Variants in GABRB1 observed in about 807,000 individuals in gnomAD.
GABRB1 encodes gamma-aminobutyric acid type A receptor subunit beta1.
GABRB1 carries 17 observed loss-of-function variants against 51.6 expected under a neutral mutation model. That is an observed-to-expected ratio of 0.33 (90% CI 0.23 to 0.49). GABRB1 has a LOEUF of 0.49. Ranked by LOEUF, GABRB1 falls within the 20% of genes least tolerant of loss-of-function variation. GABRB1 has a pLI of 0.99. For synonymous variants in GABRB1, 247 were observed against 218.9 expected, an observed-to-expected ratio of 1.13 and a Z score of -1.14; for missense variants, 410 against 600.6, an observed-to-expected ratio of 0.68 and a Z score of 3.32.
chr4:47,182,786 A>C lies in GABRB1; in HGVS notation c.461+21317A>C, dbSNP rs190008804. The stretch of plus-strand genomic sequence containing the variant: ...AAATTTAATTACATACCTAAGAATG[A>C]GCCTTTTTGTCAGTGTTATAACAGA... On this transcript the variant is annotated intron_variant, in intron 4 of 8. Transcript: ENST00000295454. 2.1e-3 allele frequency among the ~76,000 whole-genome samples: 316 copies of C among 152,104 alleles called. 3 individuals carry two copies. The highest frequency in any genetic ancestry group is 7.4e-3 in the African/African-American group (309 of 41,526).
At chr4:47,370,067 C>G (rs914602387) in intron 5 of GABRB1, among the ~76,000 whole-genome samples, 5 of 152,002 alleles carry the variant, frequency 3.3e-5, no homozygotes, top group African/African-American at 9.7e-5. Context: ...ATTTCCTATA[C>G]TATAAGAAAC....
At chr4:47,191,723 T>G (rs1011076604) in intron 4 of GABRB1, among the ~76,000 whole-genome samples, 112 of 152,064 alleles carry the variant, frequency 7.4e-4, no homozygotes, top group African/African-American at 2.6e-3. Context: ...AGGAAAGAAC[T>G]AGGAAGCAGG....
At chr4:47,221,388 G>T (rs1720760969) in intron 4 of GABRB1, among the ~76,000 whole-genome samples, 1 of 151,804 alleles carries the variant, frequency 6.6e-6, no homozygotes, top group Non-Finnish European at 1.5e-5. Context: ...ACATTGCTTT[G>T]CCCAATTATA....
At chr4:47,136,376 C>T (rs1489082016) in intron 3 of GABRB1, among the ~76,000 whole-genome samples, 2 of 152,058 alleles carry the variant, frequency 1.3e-5, no homozygotes, top group African/African-American at 2.4e-5. Context: ...GTCACACCTT[C>T]TCTGTCACAT....
chr4:47,037,188 C>T (rs1725615527), intron 3 of GABRB1, among the ~76,000 whole-genome samples: 2 of 152,170 alleles, frequency 1.3e-5, no homozygotes, highest in Admixed American at 1.3e-4. Flanking sequence ...ACAGGGACAC[C>T]TATGCCTTTT....
At chr4:47,307,685 T>C (rs975169847) in intron 4 of GABRB1, among the ~76,000 whole-genome samples, 1 of 152,048 alleles carries the variant, frequency 6.6e-6, no homozygotes, top group African/African-American at 2.4e-5. Context: ...TAATCTATAC[T>C]GCGATACTTT....
At chr4:47,052,863 C>T (rs1415792558) in intron 3 of GABRB1, among the ~76,000 whole-genome samples, 6 of 152,092 alleles carry the variant, frequency 3.9e-5, no homozygotes, top group South Asian at 2.1e-4. Flanking sequence ...AAATAGAGAG[C>T]GAGCAAGCAA....
At chr4:47,162,869 C>T (rs1364521185) in intron 4 of GABRB1, among the ~76,000 whole-genome samples, 1 of 152,068 alleles carries the variant, frequency 6.6e-6, no homozygotes, top group Non-Finnish European at 1.5e-5. Context: ...CAAAGAGAAA[C>T]ACAAACCATT....
At chr4:47,081,267 C>T (rs1727830903) in intron 3 of GABRB1, among the ~76,000 whole-genome samples, 1 of 152,090 alleles carries the variant, frequency 6.6e-6, no homozygotes, top group Admixed American at 6.6e-5. Context: ...AATATTGAGG[C>T]ATTATTCAAG....
chr4:47,100,498 T>C (rs1714675622), intron 3 of GABRB1, among the ~76,000 whole-genome samples: 1 of 152,040 alleles, frequency 6.6e-6, no homozygotes, highest in Non-Finnish European at 1.5e-5. Context: ...TTTGGACTTA[T>C]ATTTAAGTTG....
At chr4:47,155,652 T>C (rs2109726796) in intron 3 of GABRB1, among the ~76,000 whole-genome samples, 1 of 151,984 alleles carries the variant, frequency 6.6e-6, no homozygotes, top group South Asian at 2.1e-4. Flanking sequence ...GTAAAACACA[T>C]ACCTCAACAT....
At chr4:47,030,796 A>G (rs770050507), upstream of GABRB1, among the ~76,000 whole-genome samples, 2 of 152,162 alleles carry the variant, frequency 1.3e-5, no homozygotes, top group Admixed American at 6.5e-5. Context: ...AAATGCTGTC[A>G]ATTTAAGAAG....
chr4:47,065,618 T>C (rs1727043657), intron 3 of GABRB1, among the ~76,000 whole-genome samples: 1 of 152,272 alleles, frequency 6.6e-6, no homozygotes, highest in Non-Finnish European at 1.5e-5. Flanking sequence ...AAATTCTTCT[T>C]AATATGAGAA....
At chr4:47,090,750 G>C (rs949642339) in intron 3 of GABRB1, among the ~76,000 whole-genome samples, 1 of 152,190 alleles carries the variant, frequency 6.6e-6, no homozygotes, top group African/African-American at 2.4e-5. Context: ...CGATGGACTA[G>C]AGAGTATGGA....
intron 3 of GABRB1, among the ~76,000 whole-genome samples, chr4:47,044,209 A>G (rs1045646173): frequency 6.6e-6 from 1 of 152,128 alleles, no homozygotes; most frequent in Non-Finnish European, 1.5e-5. Context: ...CTTGTGTAAC[A>G]TCTGTGTTAA....
Position 47,161,450 on chromosome 4 carries a change from A to G in GABRB1, c.442A>G (p.Thr148Ala). The change falls in exon 4 of 9, where the codon ACA becomes GCA. Residue 148 changes from threonine (T) to alanine (A), a missense_variant. Around this residue, in one of 5 missense-constraint regions of GABRB1, gnomAD observed 100 missense variants for 184.3 expected, o/e 0.54. Transcript: ENST00000295454. ...AATGATTCGACTGCATCCTGATGGA[A>G]CAGTTCTCTATGGACTCCGGTAAAT... ...NRMIRLHPDG[T>A]VLYGLRITTT... 6.2e-7 allele frequency: 1 copy of G among 1,611,964 alleles called. No homozygotes were observed. Among genetic ancestry groups the G allele is most frequent in the Non-Finnish European group, 8.5e-7 (1 of 1,178,560 alleles).
intron 3 of GABRB1, among the ~76,000 whole-genome samples, chr4:47,147,490 C>T (rs1209089015): frequency 6.6e-6 from 1 of 152,080 alleles, no homozygotes; most frequent in Non-Finnish European, 1.5e-5. Flanking sequence ...CAGGCCCTGC[C>T]CTCAACACTG....
At chr4:47,259,288 G>A (rs1722333810) in intron 4 of GABRB1, among the ~76,000 whole-genome samples, 1 of 152,100 alleles carries the variant, frequency 6.6e-6, no homozygotes, top group African/African-American at 2.4e-5. Context: ...TGATTTGGGT[G>A]ATCCACCATG....
chr4:47,025,956 A>G (rs1328051533), intron 1 of GABRB1, among the ~76,000 whole-genome samples: 3 of 151,958 alleles, frequency 2.0e-5, no homozygotes, highest in Non-Finnish European at 4.4e-5. Flanking sequence ...ACTCCTCCCA[A>G]ATTCTCAACT....
Sources: allele counts gnomAD v4.1 joint callset (sites outside exome capture counted in the v4.1 genomes callset), GRCh38; gene constraint gnomAD v4.1.1; regional missense constraint gnomAD v4.1.1; transcripts MANE v1.5; gene names NCBI Gene and HGNC (gene_info 2026-07-23, HGNC 2026-07-21).